SUGCT: variants seen among roughly 807,000 people sequenced by gnomAD.
SUGCT encodes succinyl-CoA:glutarate CoA-transferase.
Under a neutral mutation model 55.0 loss-of-function variants are expected in SUGCT, and 41 were observed. The observed-to-expected ratio is 0.74, with a 90% CI of 0.58 to 0.97. SUGCT has a LOEUF of 0.97. Among genes scored for constraint, SUGCT ranks in the 50% least tolerant of loss-of-function variants. The pLI, the probability that SUGCT is intolerant of heterozygous loss-of-function variation, is 0.00. For missense variants in SUGCT, 568 were observed against 547.8 expected (o/e 1.04, Z -0.37); for synonymous variants, 187 against 200.4 (o/e 0.93, Z 0.56).
intron 6 of SUGCT, among the ~76,000 whole-genome samples, chr7:40,210,705 C>T (rs780652015): frequency 6.6e-5 from 10 of 152,014 alleles, no homozygotes; most frequent in Admixed American, 1.3e-4. Context: ...GCTACTGTGT[C>T]GTTCCCCTAT....
chr7:40,403,568 A>G (rs747921416), intron 9 of SUGCT, among the ~76,000 whole-genome samples: 6 of 152,188 alleles, frequency 3.9e-5, no homozygotes, highest in Non-Finnish European at 5.9e-5. Context: ...AAAAGTTACA[A>G]CAGACATAAA....
At chr7:41,034,236 C>T in the SUGCT span, among the ~76,000 whole-genome samples, 4 of 152,088 alleles carry the variant, frequency 2.6e-5, no homozygotes, top group South Asian at 2.1e-4. Context: ...GCAGTGCGTG[C>T]GTATGTGTGT....
chr7:40,860,214 T>C, intron 13 of SUGCT, 102 bp from the exon 14 acceptor site: 1 of 1,378,646 alleles, frequency 7.3e-7, no homozygotes. Flanking sequence ...TGGCACTCAT[T>C]GATATTTTTG....
intron 12 of SUGCT, among the ~76,000 whole-genome samples, chr7:40,701,990 A>G (rs1233719472): frequency 2.0e-5 from 3 of 152,192 alleles, no homozygotes; most frequent in Non-Finnish European, 2.9e-5. Flanking sequence ...AGAAATGCAT[A>G]AGAAACTCAC....
the SUGCT span, among the ~76,000 whole-genome samples, chr7:41,004,719 G>T: frequency 1.3e-5 from 2 of 151,988 alleles, no homozygotes; most frequent in Non-Finnish European, 2.9e-5. Context: ...CCAGTGTTTT[G>T]AATTAAGAAC....
chr7:40,693,494 C>G (rs1784783901), intron 12 of SUGCT, among the ~76,000 whole-genome samples: 1 of 152,134 alleles, frequency 6.6e-6, no homozygotes, highest in African/African-American at 2.4e-5. Flanking sequence ...AGCTGAGGGC[C>G]AGAGAGGTTA....
chr7:40,922,117 G>T, the SUGCT span, among the ~76,000 whole-genome samples: 9 of 152,192 alleles, frequency 5.9e-5, no homozygotes, highest in Admixed American at 3.9e-4. Flanking sequence ...GCTATGAGGA[G>T]AGACACTTGG....
At chr7:40,648,361 T>C (rs1800623745) in intron 12 of SUGCT, among the ~76,000 whole-genome samples, 1 of 152,246 alleles carries the variant, frequency 6.6e-6, no homozygotes, top group Non-Finnish European at 1.5e-5. Flanking sequence ...TTTAAATATT[T>C]GATTATATAG....
intron 7 of SUGCT, among the ~76,000 whole-genome samples, chr7:40,249,317 A>ATATCTATATATCTATATATC (rs1562611996): frequency 1.9e-4 from 4 of 21,528 alleles, no homozygotes; most frequent in South Asian, 1.5e-3. Context: ...AAAAAGCTAT[A>ATATCTATATATCTATATATC]TATATATATA....
chr7:40,804,437 A>T (rs1458790822), intron 13 of SUGCT, among the ~76,000 whole-genome samples: 1 of 152,156 alleles, frequency 6.6e-6, no homozygotes, highest in Non-Finnish European at 1.5e-5. Flanking sequence ...CTTAGATAAT[A>T]TGAGCTTTAA....
chr7:40,264,010 T>C (rs1791394093), intron 7 of SUGCT, among the ~76,000 whole-genome samples: 1 of 152,152 alleles, frequency 6.6e-6, no homozygotes, highest in African/African-American at 2.4e-5. Context: ...CTTCCTGTTC[T>C]GGTCTGCAAT....
intron 13 of SUGCT, among the ~76,000 whole-genome samples, chr7:40,820,548 A>G (rs1267850595): frequency 6.6e-6 from 1 of 152,204 alleles, no homozygotes; most frequent in African/African-American, 2.4e-5. Flanking sequence ...GAGTTCACTC[A>G]TGATTTGGCT....
chr7:40,720,696 G>C (rs1330362803), intron 12 of SUGCT, among the ~76,000 whole-genome samples: 2 of 152,176 alleles, frequency 1.3e-5, no homozygotes, highest in South Asian at 4.1e-4. Flanking sequence ...TTAGAAATAA[G>C]TAAAATAATA....
intron 13 of SUGCT, among the ~76,000 whole-genome samples, chr7:40,797,851 C>T (rs557206326): frequency 1.7e-4 from 26 of 152,344 alleles, no homozygotes; most frequent in African/African-American, 4.8e-4. Flanking sequence ...AATTCAAATT[C>T]TATAGACTGG....
intron 12 of SUGCT, among the ~76,000 whole-genome samples, chr7:40,529,959 C>A (rs1028313097): frequency 1.3e-5 from 2 of 152,050 alleles, no homozygotes; most frequent in Non-Finnish European, 2.9e-5. Context: ...CTTATTTAGC[C>A]CAGTGTGGAC....
chr7:40,993,691 T>C, the SUGCT span, among the ~76,000 whole-genome samples: 1 of 152,018 alleles, frequency 6.6e-6, no homozygotes, highest in African/African-American at 2.4e-5. Context: ...AATCCCAGGG[T>C]TGTGCATCTT....
chr7:40,315,572 G>C (rs1795381019), intron 8 of SUGCT, among the ~76,000 whole-genome samples: 1 of 152,194 alleles, frequency 6.6e-6, no homozygotes, highest in Non-Finnish European at 1.5e-5. Flanking sequence ...AAGGAGAATG[G>C]CTGCAGCAGC....
intron 12 of SUGCT, among the ~76,000 whole-genome samples, chr7:40,516,546 C>A (rs1406042710): frequency 2.6e-5 from 4 of 151,950 alleles, no homozygotes; most frequent in African/African-American, 9.7e-5. Context: ...AGTCTAATTT[C>A]ATTCTTTTGC....
chr7:40,266,658 C>G (rs188422127), intron 7 of SUGCT, among the ~76,000 whole-genome samples: 1 of 152,084 alleles, frequency 6.6e-6, no homozygotes, highest in African/African-American at 2.4e-5. Flanking sequence ...CACTAATGGT[C>G]AGCTTTTACT....
Sources: gnomAD v4.1 joint callset for allele counts (sites outside exome capture counted in the v4.1 genomes callset) on GRCh38, gnomAD v4.1.1 for gene constraint, MANE v1.5 for transcripts, NCBI Gene and HGNC (gene_info 2026-07-23, HGNC 2026-07-21) for gene names.